NLGN4X: variants seen among roughly 807,000 people sequenced by gnomAD.
The protein encoded by NLGN4X is neuroligin-4, X-linked.
NLGN4X carries 3 observed loss-of-function variants against 40.3 expected under a neutral mutation model. The ratio of observed to expected loss-of-function variants is 0.07; its 90% CI spans 0.03 to 0.19. The LOEUF is 0.19. Among genes scored for constraint, NLGN4X ranks in the 10% least tolerant of loss-of-function variants. The pLI, the probability that NLGN4X is intolerant of heterozygous loss-of-function variation, is 1.00. For synonymous variants in NLGN4X, 270 were observed against 306.8 expected (o/e 0.88, Z 1.25); for missense variants, 382 against 708.3 (o/e 0.54, Z 5.23).
chrX:5,992,059 A>G (rs998658410), intron 3 of NLGN4X, among the ~76,000 whole-genome samples: 5 of 111,983 alleles, frequency 4.5e-5, no homozygotes, highest in African/African-American at 9.7e-5. Flanking sequence ...TACTGACAGA[A>G]TAACACTCCT....
intron 2 of NLGN4X, among the ~76,000 whole-genome samples, chrX:6,143,565 T>C (rs780549512): frequency 8.9e-6 from 1 of 112,780 alleles, no homozygotes; most frequent in Non-Finnish European, 1.9e-5. Flanking sequence ...GGAAATCTGT[T>C]ATAGCTTCCT....
intron 5 of NLGN4X, among the ~76,000 whole-genome samples, chrX:5,901,190 A>G (rs1390645136): frequency 9.0e-6 from 1 of 111,580 alleles, no homozygotes; most frequent in African/African-American, 3.3e-5. Context: ...TACCCAAACC[A>G]CTTTGGAATC....
intron 3 of NLGN4X, among the ~76,000 whole-genome samples, chrX:5,945,283 C>T (rs1021522101): frequency 6.3e-5 from 7 of 111,313 alleles, no homozygotes; most frequent in South Asian, 3.8e-4. Context: ...GTACCCCATA[C>T]GAGAAACCAT....
At chrX:5,898,862 C>A (rs189076599) in intron 5 of NLGN4X, among the ~76,000 whole-genome samples, 2 of 112,009 alleles carry the variant, frequency 1.8e-5, no homozygotes, top group East Asian at 2.8e-4. Flanking sequence ...TTTCTCCTTG[C>A]GGGCATCAGT....
At chrX:6,025,250 C>A (rs1745441136) in intron 3 of NLGN4X, among the ~76,000 whole-genome samples, 1 of 112,181 alleles carries the variant, frequency 8.9e-6, no homozygotes, top group Non-Finnish European at 1.9e-5. Flanking sequence ...AACTCTCAAA[C>A]ATGTCCTGGA....
chrX:5,981,732 TAGATAAATAATC>T (rs2035394794), intron 3 of NLGN4X, among the ~76,000 whole-genome samples: 1 of 111,301 alleles, frequency 9.0e-6, no homozygotes, highest in Non-Finnish European at 1.9e-5. Flanking sequence ...GACTGATTGA[TAGATAAATAATC>T]ACAAGGGTAT....
At chrX:6,031,012 T>C (rs766952152) in intron 2 of NLGN4X, among the ~76,000 whole-genome samples, 1 of 112,164 alleles carries the variant, frequency 8.9e-6, no homozygotes, top group South Asian at 3.7e-4. Flanking sequence ...TTAACATCTC[T>C]TACCTTTCAT....
At chrX:6,224,698 G>T (rs1470100505) in intron 1 of NLGN4X, among the ~76,000 whole-genome samples, 2 of 109,532 alleles carry the variant, frequency 1.8e-5, no homozygotes, top group African/African-American at 6.6e-5. Flanking sequence ...CTAGGTTACT[G>T]GTTTGAGGGC....
rs1317039217 is a variant in NLGN4X at position 6,034,243 on chromosome X, C to T, written c.473-4811G>A. Among the ~76,000 whole-genome samples the T allele has an allele frequency of 6.3e-5, 7 of 111,911 alleles. No individual in the cohort carries two copies. In the East Asian group the frequency reaches 8.4e-4, roughly 13 times the overall value. On this transcript the variant is annotated intron_variant, in intron 2 of 5. Coordinates refer to ENST00000381095, the MANE Select transcript of NLGN4X (RefSeq NM_181332.3). ...CATATAAATGAACTCATATAATATG[C>T]GGTATTTTGTGTCTGGTTTCTTTTA... is the stretch of plus-strand genomic sequence containing the variant.
intron 2 of NLGN4X, among the ~76,000 whole-genome samples, chrX:6,094,479 G>A (rs760668646): frequency 9.1e-6 from 1 of 110,318 alleles, no homozygotes; most frequent in African/African-American, 3.3e-5. Flanking sequence ...CTGTGCCAGT[G>A]TTATAGGAAC....
At chrX:6,072,287 C>G (rs916523468) in intron 2 of NLGN4X, among the ~76,000 whole-genome samples, 1 of 111,186 alleles carries the variant, frequency 9.0e-6, no homozygotes, top group Non-Finnish European at 1.9e-5. Context: ...TGACTAATAG[C>G]CCTGCAACTA....
chrX:6,215,085 T>C (rs758356219), intron 1 of NLGN4X, among the ~76,000 whole-genome samples: 2 of 112,559 alleles, frequency 1.8e-5, no homozygotes, highest in African/African-American at 6.4e-5. Flanking sequence ...TTTAAATCGC[T>C]GCTGCATAAT....
chrX:5,958,847 T>C (rs1387537593), intron 3 of NLGN4X, among the ~76,000 whole-genome samples: 3 of 112,523 alleles, frequency 2.7e-5, no homozygotes, highest in Admixed American at 9.4e-5. Context: ...TTCATTAGGT[T>C]CAGCCCGTGG....
At chrX:6,208,963 A>G (rs1392281232) in intron 1 of NLGN4X, among the ~76,000 whole-genome samples, 1 of 112,565 alleles carries the variant, frequency 8.9e-6, no homozygotes, top group Non-Finnish European at 1.9e-5. Flanking sequence ...CACAATAGCA[A>G]AGATATGGAA....
At chrX:5,968,463 G>C (rs201585171) in intron 3 of NLGN4X, among the ~76,000 whole-genome samples, 343 of 13,642 alleles carry the variant, frequency 0.025, 15 homozygotes, top group East Asian at 0.046. Context: ...CTCTCTGTGT[G>C]TGTGTGTGTG....
At chrX:6,075,098 T>A (rs183747015) in intron 2 of NLGN4X, among the ~76,000 whole-genome samples, 1 of 111,531 alleles carries the variant, frequency 9.0e-6, no homozygotes, top group Non-Finnish European at 1.9e-5. Flanking sequence ...TGCCAGGCAT[T>A]GTACTTGCCC....
intron 1 of NLGN4X, among the ~76,000 whole-genome samples, chrX:6,179,490 T>C (rs888035320): frequency 3.6e-5 from 4 of 111,830 alleles, no homozygotes; most frequent in East Asian, 2.8e-4. Context: ...TTTAAAATGA[T>C]AGTAGGTTAA....
In NLGN4X at chrX:6,201,599, G is replaced by A. The variant is rs975873615; in HGVS notation, c.-306+26942C>T. Among the ~76,000 whole-genome samples, 10 of 111,885 alleles carry A rather than the reference G, an allele frequency of 8.9e-5. No individual in the cohort carries two copies. In the East Asian group the frequency reaches 1.4e-3, roughly 16 times the overall value. ...GAAGATGACCAAGGAAAGTACAGAT[G>A]TATCTCAGAAGAAGAAATGACAGGA... On this transcript the variant is annotated intron_variant, in intron 1 of 5. Transcript: ENST00000381095.
At chrX:6,183,952 TATAAA>T (rs1921754103) in intron 1 of NLGN4X, among the ~76,000 whole-genome samples, 2 of 112,222 alleles carry the variant, frequency 1.8e-5, no homozygotes, top group Non-Finnish European at 3.8e-5. Context: ...ATATTTCAAA[TATAAA>T]ATAATAAATG....
Sources: gnomAD v4.1 joint callset for allele counts (sites outside exome capture counted in the v4.1 genomes callset) on GRCh38, gnomAD v4.1.1 for gene constraint, MANE v1.5 for transcripts, NCBI Gene and HGNC (gene_info 2026-07-23, HGNC 2026-07-21) for gene names.